PRR29: variants seen among roughly 807,000 people sequenced by gnomAD.
PRR29 encodes the protein proline rich 29.
In PRR29, 20 loss-of-function variants were observed where a neutral mutation model predicts 25.1. The ratio of observed to expected loss-of-function variants is 0.80; its 90% CI spans 0.56 to 1.16. The LOEUF (loss-of-function observed/expected upper bound fraction) is 1.16. Among genes scored for constraint, PRR29 ranks in the 50% most tolerant of loss-of-function variants. The probability of loss-of-function intolerance (pLI) is 0.00; values close to 1 mark genes in which losing one functional copy is unlikely to be tolerated. For synonymous variants in PRR29, 108 were observed against 102.6 expected, an observed-to-expected ratio of 1.05 and a Z score of -0.32; for missense variants, 238 against 246.6, an observed-to-expected ratio of 0.97 and a Z score of 0.23.
At chr17:63,998,915 G>C (rs1056125946) in intron 2 of PRR29, 53 bp from the exon 3 acceptor site, 16 of 1,496,238 alleles carry the variant, frequency 1.1e-5, no homozygotes, top group South Asian at 3.6e-5. Context: ...AGGGGTGTCA[G>C]GGGGAGGGGG....
Position 64,000,078 on chromosome 17 carries a change from G to A in PRR29, c.243+1004G>A, listed in dbSNP as rs553213336. On this transcript the variant is annotated intron_variant, in intron 3 of 5. Coordinates refer to ENST00000412177, the MANE Select transcript of PRR29 (RefSeq NM_001164257.2). ...GGTTCAAGGAATCCAGACAGAAGGA[G>A]ACCCTGAGGAGCTACTGCCACCCCT... 2.6e-5 allele frequency among the ~76,000 whole-genome samples: 4 copies of A among 152,304 alleles called. No homozygotes were observed. In the South Asian group the frequency reaches 8.3e-4, roughly 32 times the overall value.
chr17:63,998,504 T>C, intron 1 of PRR29, 80 bp downstream of exon 1: 1 of 1,387,400 alleles, frequency 7.2e-7, no homozygotes, highest in South Asian at 1.5e-5. Context: ...AGGGGCCAGA[T>C]CCTGGAGGGG....
intron 5 of PRR29, 58 bp downstream of exon 5, chr17:64,001,595 G>A (rs927812923): frequency 6.4e-5 from 96 of 1,491,280 alleles, no homozygotes; most frequent in Admixed American, 1.8e-4. Flanking sequence ...AGGAGGCCAG[G>A]AGGGCCCTGT....
chr17:63,998,440 G>C lies in PRR29; in HGVS notation c.60+16G>C. ...AGTCCCGACGGTGAGGGCTGAGCCC[G>C]GGAGCAGATCCTGCCTTAGCTTGGG... On this transcript the variant is annotated intron_variant, in intron 1 of 5. Transcript: ENST00000412177. The C allele has an allele frequency of 6.8e-7, 1 of 1,472,598 alleles. No individual in the cohort carries two copies. 91.2% of individuals were successfully genotyped at this position (1,472,598 alleles called of 1,614,324 possible). A position where few individuals can be genotyped will look rare whatever the true frequency, so the allele number is the denominator to read the frequency against.
chr17:64,003,596 C>A lies in PRR29; in HGVS notation c.*1835C>A. ...TCAAGATTTTTCTTCCCCCGAGGGGCTGAAAGTGACTTATCACTCCCAACT... is the reference window on the plus strand; with the variant it reads ...TCAAGATTTTTCTTCCCCCGAGGGGATGAAAGTGACTTATCACTCCCAACT... On this transcript the variant is annotated 3_prime_UTR_variant, in exon 6 of 6. Transcript: ENST00000412177. 6.4e-7 allele frequency: 1 copy of A among 1,552,728 alleles called. No homozygotes were observed.
In PRR29 at chr17:63,998,354, C is replaced by T; in HGVS notation, c.-11C>T. The T allele has an allele frequency of 2.0e-6, 3 of 1,531,564 alleles. No individual in the cohort carries two copies. Among genetic ancestry groups the T allele is most frequent in the Non-Finnish European group, 2.6e-6 (3 of 1,145,028 alleles). The allele number at this position is 1,531,564 out of a possible 1,614,324, so 94.9% of individuals were successfully genotyped here. A position where few individuals can be genotyped will look rare whatever the true frequency, so the allele number is the denominator to read the frequency against. ...GCGTCCTCGGCGTCGCCAAGGCAAC[C>T]GGCGCCAGCCATGGCCTCTGGGGCG... On this transcript the variant is annotated 5_prime_UTR_variant, in exon 1 of 6. Coordinates refer to ENST00000412177, the MANE Select transcript of PRR29 (RefSeq NM_001164257.2).
In PRR29 at chr17:64,003,057, C is replaced by T. The variant is rs1353516796; in HGVS notation, c.*1296C>T. On this transcript the variant is annotated 3_prime_UTR_variant, in exon 6 of 6. Coordinates refer to ENST00000412177, the MANE Select transcript of PRR29 (RefSeq NM_001164257.2). ...CCGCTCATGCATCCAGCAGTCACCCCAGTTGCAGAGATGAGTGGTGAATGG... is the reference window on the plus strand; with the variant it reads ...CCGCTCATGCATCCAGCAGTCACCCTAGTTGCAGAGATGAGTGGTGAATGG... 4.3e-6 allele frequency: 3 copies of T among 697,134 alleles called. No individual in the cohort carries two copies. Among genetic ancestry groups the T allele is most frequent in the African/African-American group, 3.6e-5 (2 of 55,686 alleles). 43.2% of individuals were successfully genotyped at this position (697,134 alleles called of 1,614,324 possible).
intron 3 of PRR29, chr17:63,999,739 CTG>C (rs559826913): frequency 6.4e-6 from 1 of 155,346 alleles, no homozygotes; most frequent in African/African-American, 2.5e-5. Context: ...AAGTGGGTGT[CTG>C]TGTGCATGCG....
chr17:64,002,102 C>A lies in PRR29; in HGVS notation c.*341C>A. On this transcript the variant is annotated 3_prime_UTR_variant, in exon 6 of 6. Transcript: ENST00000412177. The stretch of plus-strand genomic sequence containing the variant: ...CACCCTCTCTCCCTCACCCCTCTCT[C>A]TGGGATGATGAGGTCTCCTTCCAGC... 1 of 1,098,200 alleles carries A rather than the reference C, an allele frequency of 9.1e-7. No homozygotes were observed. The highest frequency in any genetic ancestry group is 1.3e-6 in the Non-Finnish European group (1 of 781,420). 68.0% of individuals were successfully genotyped at this position (1,098,200 alleles called of 1,614,324 possible). A position where few individuals can be genotyped will look rare whatever the true frequency, so the allele number is the denominator to read the frequency against.
intron 3 of PRR29, chr17:64,000,831 T>TGG (rs1334237121): frequency 4.0e-5 from 16 of 396,526 alleles, no homozygotes; most frequent in Non-Finnish European, 4.7e-6. Flanking sequence ...TTTTTTTTTT[T>TGG]TTTTTTTGGT....
rs539580652 is a variant in PRR29, at chr17:64,001,955, C to T, written c.*194C>T. ...CACGCCAATGAGTTCCTGGACGGGC[C>T]GGATCTGTGCTGTTGTGTAAGAGCT... is the stretch of plus-strand genomic sequence containing the variant. On this transcript the variant is annotated 3_prime_UTR_variant, in exon 6 of 6. Transcript: ENST00000412177. 37 of 1,535,030 alleles carry T rather than the reference C, an allele frequency of 2.4e-5. No individual in the cohort carries two copies. Among genetic ancestry groups the T allele is most frequent in the Non-Finnish European group, 3.0e-5 (34 of 1,146,406 alleles).
In PRR29 at chr17:64,001,279, C is replaced by G; in HGVS notation, c.439C>G (p.Gln147Glu). Reference protein sequence around the residue: ...QPYLQDVPRIQHCPASREREV... With the variant: ...QPYLQDVPRIEHCPASREREV... ...CTACTTGCAGGACGTGCCCAGGATT[C>G]AGCACTGTCCTGCCTCCAGGGAAAG... Residue 147 changes from glutamine (Q) to glutamate (E), a missense_variant, in exon 4 of 6, where the codon CAG (glutamine) becomes GAG (glutamate). Coordinates refer to ENST00000412177, the MANE Select transcript of PRR29 (RefSeq NM_001164257.2). The G allele has an allele frequency of 2.6e-6, 4 of 1,537,178 alleles. No homozygotes were observed. The highest frequency in any genetic ancestry group is 3.5e-6 in the Non-Finnish European group (4 of 1,146,870).
At position 64,002,813 on chromosome 17, in the gene PRR29, C is replaced by G. The variant is rs1426257949; in HGVS notation, c.*1052C>G. 6.2e-7 allele frequency: 1 copy of G among 1,613,902 alleles called. No homozygotes were observed. The highest frequency in any genetic ancestry group is 1.7e-5 in the Admixed American group (1 of 60,026). On this transcript the variant is annotated 3_prime_UTR_variant, in exon 6 of 6. Transcript: ENST00000412177. ...GCACCCCGTAGGTGCCCATCCGCTG[C>G]TGGCGCAAGTGCTGGCCGAAGATGA... is the stretch of plus-strand genomic sequence containing the variant.
Position 64,002,898 on chromosome 17 carries a change from A to T in PRR29, c.*1137A>T. On this transcript the variant is annotated 3_prime_UTR_variant, in exon 6 of 6. Transcript: ENST00000412177. The stretch of plus-strand genomic sequence containing the variant: ...CAACACCGACACCACCGTGACTATG[A>T]TGACCATCTGGCTGTCCGACACAGG... 6.2e-7 allele frequency: 1 copy of T among 1,613,694 alleles called. No individual in the cohort carries two copies. Among genetic ancestry groups the T allele is most frequent in the South Asian group, 1.1e-5 (1 of 91,056 alleles).
rs549276972 is a variant in PRR29 at position 64,001,024 on chromosome 17, C to T, written c.244-60C>T. The T allele has an allele frequency of 1.7e-3, 2,258 of 1,335,454 alleles. 3 individuals carry two copies. The highest frequency in any genetic ancestry group is 2.1e-3 in the Non-Finnish European group (1,983 of 963,952). The allele number at this position is 1,335,454 out of a possible 1,614,324, so 82.7% of individuals were successfully genotyped here. A position where few individuals can be genotyped will look rare whatever the true frequency, so the allele number is the denominator to read the frequency against. On this transcript the variant is annotated intron_variant, in intron 3 of 5. Transcript: ENST00000412177. ...ATAACTTAGGGGAATGGAGGAGTGG[C>T]GGTGGGGAGAGCCTGATGGTAGATT...
rs1338610831 is a variant in PRR29, at chr17:64,001,781, G to T, written c.*20G>T. 5 of 1,537,084 alleles carry T rather than the reference G, an allele frequency of 3.3e-6. No homozygotes were observed. The South Asian group carries it at 5.9e-5, about 18-fold the overall frequency. ...CTATGAGGACAGACCCCGGCCCTGG[G>T]AACTGCACCAGCTTCCTGCTCTGGA... is the stretch of plus-strand genomic sequence containing the variant. On this transcript the variant is annotated 3_prime_UTR_variant, in exon 6 of 6. Transcript: ENST00000412177.
chr17:64,001,609 C>T, intron 5 of PRR29, 72 bp downstream of exon 5: 2 of 1,493,678 alleles, frequency 1.3e-6, no homozygotes, highest in Non-Finnish European at 1.8e-6. Flanking sequence ...GCCCTGTGCC[C>T]TCTGGTGGGG....
rs1910785067 is a variant in PRR29, at chr17:64,001,783, A to G, written c.*22A>G. 1 of 1,537,038 alleles carries G rather than the reference A, an allele frequency of 6.5e-7. No homozygotes were observed. Among genetic ancestry groups the G allele is most frequent in the African/African-American group, 1.4e-5 (1 of 73,108 alleles). On this transcript the variant is annotated 3_prime_UTR_variant, in exon 6 of 6. Coordinates refer to ENST00000412177, the MANE Select transcript of PRR29 (RefSeq NM_001164257.2). Reference sequence around the variant, plus strand: ...ATGAGGACAGACCCCGGCCCTGGGAACTGCACCAGCTTCCTGCTCTGGATA... The same window carrying G: ...ATGAGGACAGACCCCGGCCCTGGGAGCTGCACCAGCTTCCTGCTCTGGATA...
In PRR29 at chr17:63,998,370, C is replaced by T. The variant is rs1170906918; in HGVS notation, c.6C>T (p.Ala2=). The change falls in exon 1 of 6, where the codon GCC becomes GCT. Residue 2 remains alanine, a synonymous_variant. Coordinates refer to ENST00000412177, the MANE Select transcript of PRR29 (RefSeq NM_001164257.2). M[A]SGAGGSWGRS... ...CAAGGCAACCGGCGCCAGCCATGGC[C>T]TCTGGGGCGGGCGGAAGCTGGGGTC... The T allele has an allele frequency of 6.5e-7, 1 of 1,529,248 alleles. No individual in the cohort carries two copies. The highest frequency in any genetic ancestry group is 2.0e-5 in the Admixed American group (1 of 49,990). 94.7% of individuals were successfully genotyped at this position (1,529,248 alleles called of 1,614,324 possible).
Sources: allele counts gnomAD v4.1 joint callset (sites outside exome capture counted in the v4.1 genomes callset), GRCh38; gene constraint gnomAD v4.1.1; transcripts MANE v1.5; gene names NCBI Gene and HGNC (gene_info 2026-07-23, HGNC 2026-07-21).